The following TMED5 variants were observed in gnomAD, a reference collection of about 807,000 sequenced individuals.
TMED5 encodes the protein transmembrane emp24 domain-containing protein 5.
TMED5 carries 27 observed loss-of-function variants against 23.0 expected under a neutral mutation model. The ratio of observed to expected loss-of-function variants is 1.17; its 90% CI spans 0.86 to 1.62. TMED5 has a LOEUF of 1.62. Ranked by LOEUF, TMED5 falls within the 40% of genes most tolerant of loss-of-function variation. The pLI is 0.00. For synonymous variants in TMED5, 97 were observed against 100.8 expected (o/e 0.96, Z 0.23); for missense variants, 248 against 273.7 (o/e 0.91, Z 0.66).
In TMED5 at chr1:93,152,972, T is replaced by A. The variant is rs1288784254; in HGVS notation, c.*1698A>T. Reference sequence around the variant, plus strand: ...GCCAGTAGGGAAATCTAAGCTGCTCTTCTCCCAGGGGCCTAAGAGGGAAAT... The same window carrying A: ...GCCAGTAGGGAAATCTAAGCTGCTCATCTCCCAGGGGCCTAAGAGGGAAAT... On this transcript the variant is annotated 3_prime_UTR_variant, in exon 4 of 4. Coordinates refer to ENST00000370282, the MANE Select transcript of TMED5 (RefSeq NM_016040.5). 1 of 152,522 alleles carries A rather than the reference T, an allele frequency of 6.6e-6. No homozygotes were observed. Among genetic ancestry groups the A allele is most frequent in the Non-Finnish European group, 1.5e-5 (1 of 68,006 alleles). The allele number at this position is 152,522 out of a possible 1,614,324, so 9.4% of individuals were successfully genotyped here. A position where few individuals can be genotyped will look rare whatever the true frequency, so the allele number is the denominator to read the frequency against.
intron 1 of TMED5, among the ~76,000 whole-genome samples, chr1:93,176,222 C>T (rs1459179330): frequency 6.6e-6 from 1 of 152,174 alleles, no homozygotes; most frequent in Non-Finnish European, 1.5e-5. Flanking sequence ...TTCAGGACCT[C>T]AAAGGTATCT....
intron 1 of TMED5, among the ~76,000 whole-genome samples, chr1:93,173,189 G>A (rs1318777459): frequency 6.6e-6 from 1 of 152,170 alleles, no homozygotes; most frequent in Admixed American, 6.5e-5. Context: ...CAAAATAACT[G>A]AGACTGAATT....
intron 1 of TMED5, among the ~76,000 whole-genome samples, chr1:93,170,329 G>C (rs938832320): frequency 1.3e-5 from 2 of 152,232 alleles, no homozygotes; most frequent in Non-Finnish European, 2.9e-5. Context: ...CGAGTTCCGG[G>C]TGGGCGTGGG....
chr1:93,161,363 G>A (rs1648266496), intron 1 of TMED5: 1 of 152,092 alleles, frequency 6.6e-6, no homozygotes, highest in Non-Finnish European at 1.5e-5. Flanking sequence ...GTCAAAATTT[G>A]AACTCAGCAA....
At position 93,180,120 on chromosome 1, in the gene TMED5, G is replaced by T. The variant is rs1264791879; in HGVS notation, c.123C>A (p.Pro41=). 6.2e-7 allele frequency: 1 copy of T among 1,613,816 alleles called. No individual in the cohort carries two copies. The highest frequency in any genetic ancestry group is 8.5e-7 in the Non-Finnish European group (1 of 1,179,824). The change falls in exon 1 of 4, where the codon CCC becomes CCA. Residue 41 remains proline, a synonymous_variant. Coordinates refer to ENST00000370282, the MANE Select transcript of TMED5 (RefSeq NM_016040.5). ...SLDSDFTFTL[P]AGQKECFYQP... is the part of the protein sequence containing the mutation. ...GGTAGAAGCACTCCTTCTGGCCGGC[G>T]GGAAGGGTAAAGGTGAAGTCGCTAT... is the stretch of plus-strand genomic sequence containing the variant.
intron 3 of TMED5, among the ~76,000 whole-genome samples, chr1:93,155,592 T>C (rs1648045964): frequency 6.6e-6 from 1 of 150,586 alleles, no homozygotes; most frequent in Admixed American, 6.6e-5. Context: ...TCTCGGCTCA[T>C]TGCAACCTGA....
At chr1:93,174,039 T>C (rs12044657) in intron 1 of TMED5, among the ~76,000 whole-genome samples, 93,729 of 151,864 alleles carry the variant, frequency 0.62, 29,331 homozygotes, top group South Asian at 0.69. Context: ...CTCACTGCAA[T>C]CTCTGCTTTC....
intron 1 of TMED5, among the ~76,000 whole-genome samples, chr1:93,169,016 C>T (rs1163809864): frequency 6.6e-6 from 1 of 152,180 alleles, no homozygotes; most frequent in East Asian, 1.9e-4. Flanking sequence ...TGCGACATCC[C>T]TCTATCAGTA....
chr1:93,178,370 C>G (rs530459567), intron 1 of TMED5, among the ~76,000 whole-genome samples: 1 of 152,230 alleles, frequency 6.6e-6, no homozygotes, highest in East Asian at 1.9e-4. Context: ...GCCCCTTGTT[C>G]CTGGCATTTT....
chr1:93,154,600 G>T lies in TMED5; in HGVS notation c.*70C>A. The T allele has an allele frequency of 9.4e-7, 1 of 1,062,416 alleles. No individual in the cohort carries two copies. The allele number at this position is 1,062,416 out of a possible 1,614,324, so 65.8% of individuals were successfully genotyped here. A position where few individuals can be genotyped will look rare whatever the true frequency, so the allele number is the denominator to read the frequency against. On this transcript the variant is annotated 3_prime_UTR_variant, in exon 4 of 4. Transcript: ENST00000370282. ...AATATTTTGGAGAAGACCATTAATG[G>T]TCTTGACTGTAACAGTTTATTGCAT...
chr1:93,157,550 C>T (rs1285059110), intron 2 of TMED5, among the ~76,000 whole-genome samples: 10 of 152,026 alleles, frequency 6.6e-5, no homozygotes, highest in African/African-American at 2.4e-4. Context: ...AAAAGTGAGA[C>T]CTTGTCTCTA....
At position 93,152,047 on chromosome 1, in the gene TMED5, T is replaced by C. The variant is rs1647897524; in HGVS notation, c.*2623A>G. 1 of 152,622 alleles carries C rather than the reference T, an allele frequency of 6.6e-6. No homozygotes were observed. Among genetic ancestry groups the C allele is most frequent in the African/African-American group, 2.4e-5 (1 of 41,452 alleles). 9.5% of individuals were successfully genotyped at this position (152,622 alleles called of 1,614,324 possible). A position where few individuals can be genotyped will look rare whatever the true frequency, so the allele number is the denominator to read the frequency against. On this transcript the variant is annotated 3_prime_UTR_variant, in exon 4 of 4. Coordinates refer to ENST00000370282, the MANE Select transcript of TMED5 (RefSeq NM_016040.5). Reference sequence around the variant, plus strand: ...AATTTTCATTTGAGGAGACATACAATTGTAAGTGCTCATTTTTTGTCAATT... The same window carrying C: ...AATTTTCATTTGAGGAGACATACAACTGTAAGTGCTCATTTTTTGTCAATT...
intron 1 of TMED5, among the ~76,000 whole-genome samples, chr1:93,178,721 T>C (rs1649049871): frequency 6.6e-6 from 1 of 152,252 alleles, no homozygotes; most frequent in African/African-American, 2.4e-5. Flanking sequence ...TGATTTTAGA[T>C]ATTTTATTCT....
At chr1:93,169,685 G>A (rs1023112460) in intron 1 of TMED5, among the ~76,000 whole-genome samples, 5 of 151,450 alleles carry the variant, frequency 3.3e-5, no homozygotes, top group African/African-American at 1.2e-4. Context: ...AGAAAAAAAA[G>A]AGAAAAGACA....
rs188959805 is a variant in TMED5, at chr1:93,167,615, C to T, written c.190-7389G>A. 2.8e-3 allele frequency among the ~76,000 whole-genome samples: 430 copies of T among 152,250 alleles called. 1 individual carries two copies. Among genetic ancestry groups the T allele is most frequent in the Non-Finnish European group, 4.1e-3 (281 of 68,028 alleles). ...TGTATGTTGATTTTATATCCTGCAA[C>T]TTCACTATATTTGTTTATCAGTTCT... On this transcript the variant is annotated intron_variant, in intron 1 of 3. Transcript: ENST00000370282.
intron 1 of TMED5, among the ~76,000 whole-genome samples, chr1:93,163,784 T>C (rs1648382358): frequency 6.6e-6 from 1 of 151,016 alleles, no homozygotes; most frequent in South Asian, 2.1e-4. Context: ...AAGACCAGCC[T>C]GGGCAAGATG....
At position 93,180,198 on chromosome 1, in the gene TMED5, G is replaced by A. The variant is rs1420033718; in HGVS notation, c.45C>T (p.Ala15=). The part of the protein sequence containing the change: ...IWLPFPVLLL[A]ALPPVLLPGA... ...CAGGCAGCAGCACCGGAGGCAGAGC[G>A]GCCAGAAGGAGCACGGGGAAGGGCA... Residue 15 remains alanine (A), a synonymous_variant, in exon 1 of 4, where the codon GCC becomes GCT. Transcript: ENST00000370282. The A allele has an allele frequency of 1.2e-6, 2 of 1,613,258 alleles. No homozygotes were observed. Among genetic ancestry groups the A allele is most frequent in the Non-Finnish European group, 1.7e-6 (2 of 1,179,732 alleles).
At chr1:93,169,882 TACACACACACAC>T (rs59467244) in intron 1 of TMED5, among the ~76,000 whole-genome samples, 25 of 130,600 alleles carry the variant, frequency 1.9e-4, no homozygotes, top group Admixed American at 6.2e-4. Context: ...ACCCTGTCTG[TACACACACACAC>T]ACACACACAC....
At position 93,154,769 on chromosome 1, in the gene TMED5, G is replaced by A. The variant is rs1282390218; in HGVS notation, c.591C>T (p.Phe197=). 1 of 1,614,000 alleles carries A rather than the reference G, an allele frequency of 6.2e-7. No individual in the cohort carries two copies. Among genetic ancestry groups the A allele is most frequent in the Non-Finnish European group, 8.5e-7 (1 of 1,179,962 alleles). ...IQESNFDRVN[F]WSMVNLVVMV... is the part of the protein sequence containing the mutation. The stretch of plus-strand genomic sequence containing the variant: ...TGACCACTAAATTAACCATAGACCA[G>A]AAATTGACTCTATCAAAGTTGCTTT... Residue 197 remains phenylalanine, a synonymous_variant, in exon 4 of 4, where the codon TTC becomes TTT. Coordinates refer to ENST00000370282, the MANE Select transcript of TMED5 (RefSeq NM_016040.5).
Sources: allele counts gnomAD v4.1 joint callset (sites outside exome capture counted in the v4.1 genomes callset), GRCh38; gene constraint gnomAD v4.1.1; transcripts MANE v1.5; gene names NCBI Gene and HGNC (gene_info 2026-07-23, HGNC 2026-07-21).